Variants in COG4 observed in about 807,000 individuals in gnomAD.
COG4 encodes the protein conserved oligomeric Golgi complex subunit 4.
Under a neutral mutation model 95.1 loss-of-function variants are expected in COG4, and 65 were observed. That is an observed-to-expected ratio of 0.68 (90% CI 0.56 to 0.84). COG4 has a LOEUF of 0.84. COG4 is among the 40% of genes least tolerant of loss of function. The probability of loss-of-function intolerance (pLI) is 0.00; values close to 1 mark genes in which losing one functional copy is unlikely to be tolerated. For missense variants in COG4, 1,045 were observed against 989.1 expected (o/e 1.06, Z -0.76); for synonymous variants, 421 against 374.8 (o/e 1.12, Z -1.42).
chr16:70,517,075 T>A (rs534449881), intron 3 of COG4, among the ~76,000 whole-genome samples: 2 of 152,210 alleles, frequency 1.3e-5, no homozygotes, highest in African/African-American at 4.8e-5. Flanking sequence ...ATTTTTGTAT[T>A]TTTTGTAGAG....
At chr16:70,481,264 C>G in intron 18 of COG4, 95 bp downstream of exon 18, 1 of 1,607,978 alleles carries the variant, frequency 6.2e-7, no homozygotes, top group Non-Finnish European at 8.5e-7. Flanking sequence ...ATAGAGCTGG[C>G]TGCTGGCAGA....
At position 70,516,908 on chromosome 16, in the gene COG4, T is replaced by G. The variant is rs114479137; in HGVS notation, c.369+718A>C. ...CCTCCCAAGTAGCTGGAATTACAGG[T>G]GTGCATTACCACACCTGGCTAATTT... On this transcript the variant is annotated intron_variant, in intron 3 of 18. Coordinates refer to ENST00000323786, the MANE Select transcript of COG4 (RefSeq NM_015386.3). Among the ~76,000 whole-genome samples the G allele has an allele frequency of 6.6e-3, 1,007 of 152,116 alleles. 17 individuals are homozygous for G. Among genetic ancestry groups the G allele is most frequent in the African/African-American group, 0.023 (955 of 41,486 alleles).
chr16:70,482,513 A>G (rs1457075517), intron 15 of COG4: 4 of 625,640 alleles, frequency 6.4e-6, no homozygotes, highest in African/African-American at 1.8e-5. Flanking sequence ...CAATAAGGGA[A>G]TAAGTTAGGT....
chr16:70,521,059 T>A (rs1353301913), intron 1 of COG4, among the ~76,000 whole-genome samples: 2 of 152,138 alleles, frequency 1.3e-5, no homozygotes, highest in Admixed American at 1.3e-4. Context: ...CACTGTTTAA[T>A]TTTTTTGTAG....
intron 8 of COG4, 27 bp from the exon 9 acceptor site, chr16:70,501,118 G>C: frequency 1.2e-6 from 2 of 1,609,514 alleles, no homozygotes. Context: ...AGAAGGAATA[G>C]GACGACAATG....
At chr16:70,505,448 C>T (rs550433714) in intron 8 of COG4, among the ~76,000 whole-genome samples, 3 of 150,974 alleles carry the variant, frequency 2.0e-5, no homozygotes, top group South Asian at 2.1e-4. Flanking sequence ...GTGATCCACC[C>T]GCCTTGGGCT....
chr16:70,485,495 C>T (rs985687655), intron 13 of COG4, among the ~76,000 whole-genome samples: 2 of 150,296 alleles, frequency 1.3e-5, no homozygotes, highest in South Asian at 2.1e-4. Flanking sequence ...TGAGCCATCG[C>T]GCCTGGCAGA....
Position 70,481,751 on chromosome 16 carries a change from C to A in COG4, c.2106+13G>T. 1 of 1,605,510 alleles carries A rather than the reference C, an allele frequency of 6.2e-7. No individual in the cohort carries two copies. Among genetic ancestry groups the A allele is most frequent in the Non-Finnish European group, 8.5e-7 (1 of 1,172,394 alleles). ...GAAACGAGAGCCGCAGACCCATGAC[C>A]CCTTTACCTTACCCGGTTAAAGGTG... On this transcript the variant is annotated intron_variant, in intron 17 of 18. Transcript: ENST00000323786.
chr16:70,519,317 C>T lies in COG4; in HGVS notation c.254+332G>A, dbSNP rs1404107826. ...TAATTTTTTGTATTTTTAGTAGAGA[C>T]GGGGTTTCACCTTGTTAGCCAGGAT... On this transcript the variant is annotated intron_variant, in intron 2 of 18. Coordinates refer to ENST00000323786, the MANE Select transcript of COG4 (RefSeq NM_015386.3). Among the ~76,000 whole-genome samples, 3 of 56,774 alleles carry T rather than the reference C, an allele frequency of 5.3e-5. 1 individual carries two copies. The highest frequency in any genetic ancestry group is 5.9e-4 in the African/African-American group (2 of 3,410). The allele number at this position is 56,774 out of a possible 152,430, so 37.2% of individuals were successfully genotyped here.
intron 2 of COG4, 54 bp from the exon 3 acceptor site, chr16:70,517,794 A>C: frequency 7.8e-7 from 1 of 1,277,868 alleles, no homozygotes; most frequent in East Asian, 2.3e-5. Flanking sequence ...GAAGAGACAG[A>C]AACTTTTTTT....
In COG4 at chr16:70,480,995, T is replaced by C; in HGVS notation, c.*15A>G. On this transcript the variant is annotated 3_prime_UTR_variant, in exon 19 of 19. Transcript: ENST00000323786. ...GCCTGCAAGTGTGATGAGCCAGGTG[T>C]GCTCATCCAGGCAGCTACAGGCGCA... 6.2e-7 allele frequency: 1 copy of C among 1,611,472 alleles called. No individual in the cohort carries two copies. The highest frequency in any genetic ancestry group is 1.3e-5 in the African/African-American group (1 of 75,012).
intron 8 of COG4, among the ~76,000 whole-genome samples, chr16:70,502,675 G>A (rs1157241785): frequency 6.6e-6 from 1 of 152,064 alleles, no homozygotes; most frequent in Non-Finnish European, 1.5e-5. Flanking sequence ...CTGGCAGGAT[G>A]TTAGGAAATA....
intron 7 of COG4, chr16:70,509,025 C>A: frequency 1.5e-6 from 1 of 658,578 alleles, no homozygotes. Flanking sequence ...CCGTTTTGGT[C>A]TTGAACTGAG....
chr16:70,488,136 C>G (rs1291104293), intron 13 of COG4, among the ~76,000 whole-genome samples: 1 of 143,946 alleles, frequency 6.9e-6, no homozygotes, highest in Non-Finnish European at 1.5e-5. Flanking sequence ...TTATTTTTAC[C>G]TTTTTTTTTT....
At chr16:70,483,562 C>T (rs1233108131) in intron 14 of COG4, among the ~76,000 whole-genome samples, 1 of 152,096 alleles carries the variant, frequency 6.6e-6, no homozygotes, top group Non-Finnish European at 1.5e-5. Context: ...TAGGTCAGAA[C>T]AACCATGTGG....
At chr16:70,523,193 G>C in intron 1 of COG4, 180 bp downstream of exon 1, 2 of 680,866 alleles carry the variant, frequency 2.9e-6, no homozygotes, top group Non-Finnish European at 5.1e-6. Flanking sequence ...AGCTCGGCGC[G>C]TCCGACAGCG....
rs1290398643 is a variant in COG4, at chr16:70,520,128, C to G, written c.172-397G>C. Reference sequence around the variant, plus strand: ...ACCAGCCTGGCCACATGGTGAAACCCCATCTCTACTAAAAATACAAAATTA... The same window carrying G: ...ACCAGCCTGGCCACATGGTGAAACCGCATCTCTACTAAAAATACAAAATTA... On this transcript the variant is annotated intron_variant, in intron 1 of 18. Coordinates refer to ENST00000323786, the MANE Select transcript of COG4 (RefSeq NM_015386.3). 2.0e-5 allele frequency among the ~76,000 whole-genome samples: 3 copies of G among 151,854 alleles called. No homozygotes were observed. In the South Asian group the frequency reaches 6.2e-4, roughly 32 times the overall value.
rs1448254604 is a variant in COG4, at chr16:70,481,001, T to C, written c.*9A>G. 4 of 1,611,902 alleles carry C rather than the reference T, an allele frequency of 2.5e-6. No homozygotes were observed. Among genetic ancestry groups the C allele is most frequent in the East Asian group, 2.2e-5 (1 of 44,874 alleles). On this transcript the variant is annotated 3_prime_UTR_variant, in exon 19 of 19. Coordinates refer to ENST00000323786, the MANE Select transcript of COG4 (RefSeq NM_015386.3). The stretch of plus-strand genomic sequence containing the variant: ...AAGTGTGATGAGCCAGGTGTGCTCA[T>C]CCAGGCAGCTACAGGCGCAGCCTCT...
At chr16:70,481,900 C>G (rs751232128) in intron 16 of COG4, 35 bp from the exon 17 acceptor site, 1 of 1,568,398 alleles carries the variant, frequency 6.4e-7, no homozygotes, top group Non-Finnish European at 8.8e-7. Flanking sequence ...CCGAGCCCCA[C>G]CTAACTCCTC....
Sources: allele counts gnomAD v4.1 joint callset (sites outside exome capture counted in the v4.1 genomes callset), GRCh38; gene constraint gnomAD v4.1.1; transcripts MANE v1.5; gene names NCBI Gene and HGNC (gene_info 2026-07-23, HGNC 2026-07-21).